Variants in CCDC73 observed in about 807,000 individuals in gnomAD.
CCDC73 encodes the protein coiled-coil domain containing 73.
CCDC73 carries 95 observed loss-of-function variants against 116.5 expected under a neutral mutation model. The ratio of observed to expected loss-of-function variants is 0.82; its 90% CI spans 0.69 to 0.97. The LOEUF is 0.97. CCDC73 is among the 50% of genes least tolerant of loss of function. The probability of loss-of-function intolerance (pLI) is 0.00; values close to 1 mark genes in which losing one functional copy is unlikely to be tolerated. For missense variants in CCDC73, 1,066 were observed against 1,206.8 expected (o/e 0.88, Z 1.73); for synonymous variants, 398 against 401.3 (o/e 0.99, Z 0.10).
At position 32,608,413 on chromosome 11, in the gene CCDC73, AGTC is replaced by A. The variant is rs539051911; in HGVS notation, c.3030+2716_3030+2718del. 1.3e-3 allele frequency among the ~76,000 whole-genome samples: 195 copies of A among 152,288 alleles called. 5 individuals are homozygous for A. The highest frequency in any genetic ancestry group is 0.012 in the Admixed American group (188 of 15,296). On this transcript the variant is annotated intron_variant, in intron 17 of 17. Coordinates refer to ENST00000335185, the MANE Select transcript of CCDC73 (RefSeq NM_001008391.4). ...ACAAAGGGTCTACAGGCCCTGTGAAAGTCCAAAATCCAGCATGGCTGCCAGGTC... is the reference window on the plus strand; with the variant it reads ...ACAAAGGGTCTACAGGCCCTGTGAAACAAAATCCAGCATGGCTGCCAGGTC...
At chr11:32,829,479 T>A in the CCDC73 span, among the ~76,000 whole-genome samples, 1 of 152,246 alleles carries the variant, frequency 6.6e-6, no homozygotes, top group Non-Finnish European at 1.5e-5. Context: ...CAATTACTTG[T>A]AAGGTCATTT....
chr11:32,639,161 C>CT (rs1226187481), intron 13 of CCDC73, among the ~76,000 whole-genome samples: 1 of 149,814 alleles, frequency 6.7e-6, no homozygotes, highest in Non-Finnish European at 1.5e-5. Flanking sequence ...CGACACCCCC[C>CT]CCAAAAAATC....
At chr11:32,632,741 G>C (rs1408579882) in intron 14 of CCDC73, among the ~76,000 whole-genome samples, 1 of 151,914 alleles carries the variant, frequency 6.6e-6, no homozygotes, top group Admixed American at 6.6e-5. Flanking sequence ...ATATGTGTGT[G>C]TGTATGTTGT....
chr11:32,641,635 A>AAATGATT (rs1398247468), intron 13 of CCDC73, among the ~76,000 whole-genome samples: 1 of 151,716 alleles, frequency 6.6e-6, no homozygotes, highest in African/African-American at 2.4e-5. Flanking sequence ...TTACTAAAAT[A>AAATGATT]CTATGCAATG....
At chr11:32,724,918 A>T (rs1274256109) in intron 2 of CCDC73, among the ~76,000 whole-genome samples, 2 of 152,202 alleles carry the variant, frequency 1.3e-5, no homozygotes, top group Non-Finnish European at 2.9e-5. Context: ...AAATGCAGAC[A>T]TTGTGGATTC....
chr11:32,793,880 G>A (rs982460162), intron 1 of CCDC73, among the ~76,000 whole-genome samples: 2 of 152,030 alleles, frequency 1.3e-5, no homozygotes, highest in African/African-American at 4.8e-5. Flanking sequence ...CAAAGTGCTG[G>A]GACTACAGAT....
chr11:32,645,588 C>T (rs1855771635), intron 12 of CCDC73, among the ~76,000 whole-genome samples: 1 of 151,780 alleles, frequency 6.6e-6, no homozygotes, highest in African/African-American at 2.4e-5. Context: ...CACGCCTGGC[C>T]AACTTTTTTT....
upstream of CCDC73, among the ~76,000 whole-genome samples, chr11:32,797,126 CCTAA>C (rs745834629): frequency 4.0e-5 from 6 of 151,636 alleles, no homozygotes; most frequent in Admixed American, 6.6e-5. Context: ...TTTAAAGAAA[CCTAA>C]CTGTTTCTAT....
At chr11:32,654,692 T>C (rs1444638640) in intron 10 of CCDC73, 152 bp downstream of exon 10, 4 of 612,696 alleles carry the variant, frequency 6.5e-6, no homozygotes, top group Non-Finnish European at 1.0e-5. Context: ...CTAAAGTCTA[T>C]GGCAAAAATT....
the CCDC73 span, among the ~76,000 whole-genome samples, chr11:32,812,730 C>T: frequency 4.5e-4 from 67 of 150,246 alleles, no homozygotes; most frequent in South Asian, 0.014. Flanking sequence ...CCCAGCTACT[C>T]AGGTGGCTGA....
intron 15 of CCDC73, 79 bp from the exon 16 acceptor site, chr11:32,615,021 T>A: frequency 6.2e-6 from 5 of 805,538 alleles, no homozygotes; most frequent in Non-Finnish European, 9.4e-6. Context: ...TCACCTATTT[T>A]TATAAAAACA....
intron 2 of CCDC73, 75 bp from the exon 3 acceptor site, chr11:32,718,222 A>G (rs1214607509): frequency 4.1e-6 from 4 of 971,706 alleles, no homozygotes; most frequent in Non-Finnish European, 6.2e-6. Context: ...CTTTCTGGAG[A>G]GATATAGAAA....
chr11:32,741,170 AG>A (rs1255455333), intron 2 of CCDC73, among the ~76,000 whole-genome samples: 3 of 151,910 alleles, frequency 2.0e-5, no homozygotes, highest in Non-Finnish European at 2.9e-5. Context: ...ATGTTCTATA[AG>A]TACCTATTAG....
intron 1 of CCDC73, among the ~76,000 whole-genome samples, chr11:32,791,908 T>C (rs1427943741): frequency 6.6e-6 from 1 of 151,636 alleles, no homozygotes; most frequent in Non-Finnish European, 1.5e-5. Context: ...GAGGCTGCAG[T>C]GAGCCAAGAT....
chr11:32,753,714 C>T (rs888606432), intron 2 of CCDC73, among the ~76,000 whole-genome samples: 2 of 152,162 alleles, frequency 1.3e-5, no homozygotes, highest in East Asian at 3.8e-4. Context: ...GATTAGCCCA[C>T]CTCAGCCTCC....
intron 1 of CCDC73, among the ~76,000 whole-genome samples, chr11:32,784,197 G>A (rs1465488498): frequency 6.6e-6 from 1 of 152,208 alleles, no homozygotes; most frequent in East Asian, 1.9e-4. Context: ...GGGCGTCGTG[G>A]TGCATGCCTG....
At chr11:32,609,493 A>G (rs539385475) in intron 17 of CCDC73, among the ~76,000 whole-genome samples, 1 of 152,180 alleles carries the variant, frequency 6.6e-6, no homozygotes, top group East Asian at 1.9e-4. Context: ...CATTTTGGTC[A>G]AAGCCATTCA....
chr11:32,646,437 T>G (rs1480031832), intron 12 of CCDC73, among the ~76,000 whole-genome samples: 4 of 152,240 alleles, frequency 2.6e-5, no homozygotes, highest in African/African-American at 9.6e-5. Context: ...CCTATATGTC[T>G]GAAGATGTCT....
At position 32,767,901 on chromosome 11, in the gene CCDC73, G is replaced by C. The variant is rs1282697907; in HGVS notation, c.-15-7643C>G. On this transcript the variant is annotated intron_variant, in intron 1 of 17. Coordinates refer to ENST00000335185, the MANE Select transcript of CCDC73 (RefSeq NM_001008391.4). The stretch of plus-strand genomic sequence containing the variant: ...ACGGTAAACTAGTTCAACCATTGTG[G>C]AAGTCAGTGTGGCGATTCCTCAAGG... 2.6e-5 allele frequency among the ~76,000 whole-genome samples: 4 copies of C among 152,196 alleles called. No homozygotes were observed. The East Asian group carries it at 7.7e-4, about 29-fold the overall frequency.
Sources: gnomAD v4.1 joint callset for allele counts (sites outside exome capture counted in the v4.1 genomes callset) on GRCh38, gnomAD v4.1.1 for gene constraint, MANE v1.5 for transcripts, NCBI Gene and HGNC (gene_info 2026-07-23, HGNC 2026-07-21) for gene names.